Variants in ZFP91 observed in about 807,000 individuals in gnomAD.
ZFP91 encodes the protein E3 ubiquitin-protein ligase ZFP91.
A neutral mutation model predicts 63.5 loss-of-function variants in ZFP91; 7 were observed. That is an observed-to-expected ratio of 0.11 (90% CI 0.06 to 0.21). The LOEUF (loss-of-function observed/expected upper bound fraction) is 0.21. Among genes scored for constraint, ZFP91 ranks in the 10% least tolerant of loss-of-function variants. ZFP91 has a pLI of 1.00. For missense variants in ZFP91, 628 were observed against 736.6 expected (o/e 0.85, Z 1.71); for synonymous variants, 330 against 272.1 (o/e 1.21, Z -2.10).
At chr11:58,608,881 G>T (rs1043746616) in intron 2 of ZFP91, among the ~76,000 whole-genome samples, 1 of 152,182 alleles carries the variant, frequency 6.6e-6, no homozygotes, top group Non-Finnish European at 1.5e-5. Flanking sequence ...GGGATTACAG[G>T]TGTGAGCCAC....
intron 2 of ZFP91, among the ~76,000 whole-genome samples, chr11:58,598,656 G>A (rs1032071860): frequency 1.3e-5 from 2 of 151,534 alleles, no homozygotes; most frequent in African/African-American, 4.9e-5. Flanking sequence ...AACTTGGCTT[G>A]TTTCCTATCT....
chr11:58,602,725 C>A (rs956725241), intron 2 of ZFP91, among the ~76,000 whole-genome samples: 3 of 152,128 alleles, frequency 2.0e-5, no homozygotes, highest in Non-Finnish European at 4.4e-5. Flanking sequence ...TTTGTTATGG[C>A]AGCCCTAGGA....
intron 2 of ZFP91, among the ~76,000 whole-genome samples, chr11:58,601,002 A>G (rs1855483213): frequency 6.6e-6 from 1 of 152,178 alleles, no homozygotes; most frequent in Admixed American, 6.5e-5. Flanking sequence ...ACCTGTCTCA[A>G]TTGATTATAG....
chr11:58,605,201 T>G (rs1259375848), intron 2 of ZFP91, among the ~76,000 whole-genome samples: 1 of 152,236 alleles, frequency 6.6e-6, no homozygotes, highest in Non-Finnish European at 1.5e-5. Context: ...CTCTGTACTA[T>G]TCTGTGCCTC....
intron 5 of ZFP91, chr11:58,611,376 T>G: frequency 1.8e-6 from 1 of 553,868 alleles, no homozygotes; most frequent in Non-Finnish European, 3.1e-6. Context: ...ATAGTGAAAT[T>G]TGATTTACAG....
chr11:58,581,604 ACCC>A, intron 1 of ZFP91, among the ~76,000 whole-genome samples: 1 of 152,082 alleles, frequency 6.6e-6, no homozygotes, highest in Non-Finnish European at 1.5e-5. Context: ...CAGGTGATCC[ACCC>A]GCCTCAGCCT....
In ZFP91 at chr11:58,586,023, A is replaced by G. The variant is rs1183390713; in HGVS notation, c.370+1139A>G. Among the ~76,000 whole-genome samples the G allele has an allele frequency of 2.0e-5, 3 of 151,290 alleles. 1 individual carries two copies. The highest frequency in any genetic ancestry group is 2.1e-4 in the South Asian group (1 of 4,808). Reference sequence around the variant, plus strand: ...TTTTTTTTTATTTAGAAACCTTGGCATGATTATTTTGTCTAGCAAGTTTTT... The same window carrying G: ...TTTTTTTTTATTTAGAAACCTTGGCGTGATTATTTTGTCTAGCAAGTTTTT... On this transcript the variant is annotated intron_variant, in intron 2 of 10. Transcript: ENST00000316059.
chr11:58,607,047 C>T (rs1016236506), intron 2 of ZFP91, among the ~76,000 whole-genome samples: 1 of 151,910 alleles, frequency 6.6e-6, no homozygotes, highest in Admixed American at 6.6e-5. Context: ...AAATTGGCAT[C>T]ATTTATCCAG....
Position 58,618,534 on chromosome 11 carries a change from G to T in ZFP91, c.*828G>T. 1 of 390,320 alleles carries T rather than the reference G, an allele frequency of 2.6e-6. No homozygotes were observed. The highest frequency in any genetic ancestry group is 2.0e-5 in the South Asian group (1 of 51,184). 24.2% of individuals were successfully genotyped at this position (390,320 alleles called of 1,614,324 possible). A position where few individuals can be genotyped will look rare whatever the true frequency, so the allele number is the denominator to read the frequency against. On this transcript the variant is annotated 3_prime_UTR_variant, in exon 11 of 11. Transcript: ENST00000316059. ...GCACTTTGAACATGTGTGTTTTTGT[G>T]TTGTGGAACCTGAGATTCCTTATTT...
At position 58,618,407 on chromosome 11, in the gene ZFP91, C is replaced by T. The variant is rs1262205493; in HGVS notation, c.*701C>T. 3 of 278,674 alleles carry T rather than the reference C, an allele frequency of 1.1e-5. No individual in the cohort carries two copies. The highest frequency in any genetic ancestry group is 2.1e-5 in the Non-Finnish European group (3 of 142,006). 17.3% of individuals were successfully genotyped at this position (278,674 alleles called of 1,614,324 possible). A position where few individuals can be genotyped will look rare whatever the true frequency, so the allele number is the denominator to read the frequency against. ...GTGCTCACTTGCTTGGAAGCAGGCT[C>T]CCAATAGGGAGGGGGCTGCCCTCTA... On this transcript the variant is annotated 3_prime_UTR_variant, in exon 11 of 11. Transcript: ENST00000316059.
In ZFP91 at chr11:58,609,891, T is replaced by C. The variant is rs757408290; in HGVS notation, c.432T>C (p.Ala144=). The C allele has an allele frequency of 6.2e-7, 1 of 1,614,230 alleles. No individual in the cohort carries two copies. The highest frequency in any genetic ancestry group is 1.1e-5 in the South Asian group (1 of 91,084). The change falls in exon 3 of 11, where the codon GCT becomes GCC. Residue 144 remains alanine (A), a synonymous_variant. Coordinates refer to ENST00000316059, the MANE Select transcript of ZFP91 (RefSeq NM_053023.5). ...DSALPQEVSI[A]ASRPSRGWRS... ...CCCTCCCTCAGGAAGTTTCCATTGCTGCATCTAGACCTAGCCGGGGCTGGC... is the reference window on the plus strand; with the variant it reads ...CCCTCCCTCAGGAAGTTTCCATTGCCGCATCTAGACCTAGCCGGGGCTGGC...
At chr11:58,588,569 A>G (rs1233943397) in intron 2 of ZFP91, among the ~76,000 whole-genome samples, 1 of 152,002 alleles carries the variant, frequency 6.6e-6, no homozygotes, top group Non-Finnish European at 1.5e-5. Flanking sequence ...CAACAGTTTT[A>G]TTTTTCATGT....
intron 2 of ZFP91, among the ~76,000 whole-genome samples, chr11:58,598,848 G>C (rs868652845): frequency 5.9e-5 from 9 of 151,870 alleles, no homozygotes; most frequent in South Asian, 4.2e-4. Flanking sequence ...ATACAATTCA[G>C]TGACATTTGG....
chr11:58,617,786 A>G lies in ZFP91; in HGVS notation c.*80A>G. ...AAAGGACAAAAAAAAAATCTAAAGC[A>G]TTTAAAATCTAGTGAAATAACTGAA... On this transcript the variant is annotated 3_prime_UTR_variant, in exon 11 of 11. Coordinates refer to ENST00000316059, the MANE Select transcript of ZFP91 (RefSeq NM_053023.5). This position sits in a 1 kb window ranked among gnomAD's most constrained non-coding sequence, Gnocchi z 4.2. 7.0e-7 allele frequency: 1 copy of G among 1,434,540 alleles called. No homozygotes were observed. Among genetic ancestry groups the G allele is most frequent in the Non-Finnish European group, 9.1e-7 (1 of 1,100,078 alleles). The allele number at this position is 1,434,540 out of a possible 1,614,324, so 88.9% of individuals were successfully genotyped here. A position where few individuals can be genotyped will look rare whatever the true frequency, so the allele number is the denominator to read the frequency against.
In ZFP91 at chr11:58,617,489, T is replaced by G. The variant is rs1287479642; in HGVS notation, c.1496T>G (p.Leu499Trp). 6.2e-7 allele frequency: 1 copy of G among 1,614,106 alleles called. No homozygotes were observed. Among genetic ancestry groups the G allele is most frequent in the Admixed American group, 1.7e-5 (1 of 60,002 alleles). ...GQGLPLLPEP[L>W]GNSTSGECLL... is the part of the protein sequence containing the mutation. ...GGTCTTCCTCTTCTTCCTGAGCCCT[T>G]GGGAAACTCAACCTCTGGAGAGTGC... is the stretch of plus-strand genomic sequence containing the variant. Residue 499 changes from leucine (L) to tryptophan (W), a missense_variant, in exon 11 of 11, where the codon TTG (leucine) becomes TGG (tryptophan). By Grantham distance (61) the Leu-to-Trp change is moderately conservative. Around this residue, in one of 3 missense-constraint regions of ZFP91, gnomAD observed 115 missense variants for 125.4 expected, o/e 0.92. Transcript: ENST00000316059. The surrounding 1 kb of genome is among the most constrained non-coding windows in gnomAD (Gnocchi z 4.2).
intron 2 of ZFP91, among the ~76,000 whole-genome samples, chr11:58,605,855 C>A (rs570831606): frequency 5.1e-4 from 78 of 152,086 alleles, no homozygotes; most frequent in Non-Finnish European, 8.7e-4. Flanking sequence ...TTCTGCAAAT[C>A]TTATTATGCA....
In ZFP91 at chr11:58,621,287, G is replaced by A. The variant is rs1291609499; in HGVS notation, c.*3581G>A. Among the ~76,000 whole-genome samples, 1 of 152,158 alleles carries A rather than the reference G, an allele frequency of 6.6e-6. No individual in the cohort carries two copies. Among genetic ancestry groups the A allele is most frequent in the Non-Finnish European group, 1.5e-5 (1 of 68,026 alleles). On this transcript the variant is annotated 3_prime_UTR_variant, in exon 11 of 11. Coordinates refer to ENST00000316059, the MANE Select transcript of ZFP91 (RefSeq NM_053023.5). The stretch of plus-strand genomic sequence containing the variant: ...TGACAACTGCCTCCTAGGAAAACTG[G>A]CCATATGTTAATTAACCTAGTAGAT...
chr11:58,611,481 A>G (rs917165848), intron 5 of ZFP91, 123 bp from the exon 6 acceptor site: 3 of 1,261,882 alleles, frequency 2.4e-6, no homozygotes, highest in Non-Finnish European at 3.3e-6. Flanking sequence ...AGGAAATCAC[A>G]TTTCATGAAC....
chr11:58,595,326 AT>A (rs1855379000), intron 2 of ZFP91, among the ~76,000 whole-genome samples: 1 of 152,206 alleles, frequency 6.6e-6, no homozygotes, highest in Non-Finnish European at 1.5e-5. Context: ...TACCTTTAGT[AT>A]CTTCCCAGCT....
Sources: allele counts gnomAD v4.1 joint callset (sites outside exome capture counted in the v4.1 genomes callset), GRCh38; gene constraint gnomAD v4.1.1; regional missense constraint gnomAD v4.1.1; non-coding constraint Gnocchi (gnomAD v3.1); transcripts MANE v1.5; gene names NCBI Gene and HGNC (gene_info 2026-07-23, HGNC 2026-07-21).